Variants in HERC4 observed in about 807,000 individuals in gnomAD.
The protein encoded by HERC4 is HECT and RLD domain containing E3 ubiquitin protein ligase 4, also known as probable E3 ubiquitin-protein ligase HERC4.
In HERC4, 28 loss-of-function variants were observed where a neutral mutation model predicts 124.3. That is an observed-to-expected ratio of 0.23 (90% CI 0.17 to 0.31). The LOEUF is 0.31. Among genes scored for constraint, HERC4 ranks in the 10% least tolerant of loss-of-function variants. The probability of loss-of-function intolerance (pLI) is 1.00; values close to 1 mark genes in which losing one functional copy is unlikely to be tolerated. For synonymous variants in HERC4, 407 were observed against 421.5 expected, an observed-to-expected ratio of 0.97 and a Z score of 0.42; for missense variants, 713 against 1,229.3, an observed-to-expected ratio of 0.58 and a Z score of 6.28.
chr10:67,947,717 A>T (rs912822245), intron 19 of HERC4, among the ~76,000 whole-genome samples: 2 of 152,202 alleles, frequency 1.3e-5, no homozygotes, highest in Non-Finnish European at 2.9e-5. Context: ...AAAACTTTCA[A>T]TAAATTTTAA....
At chr10:68,067,194 T>C (rs567133398) in intron 3 of HERC4, 3 of 152,660 alleles carry the variant, frequency 2.0e-5, no homozygotes, top group Non-Finnish European at 4.4e-5. Flanking sequence ...TGTAATGCTC[T>C]TGAAATTCCT....
intron 9 of HERC4, among the ~76,000 whole-genome samples, chr10:68,006,197 A>G (rs2037537019): frequency 6.6e-6 from 1 of 152,138 alleles, no homozygotes; most frequent in African/African-American, 2.4e-5. Flanking sequence ...ACTCAAGATG[A>G]GTAGTGCGCA....
At position 67,990,896 on chromosome 10, in the gene HERC4, A is replaced by G; in HGVS notation, c.1443+8T>C. The G allele has an allele frequency of 6.4e-7, 1 of 1,554,168 alleles. No individual in the cohort carries two copies. The highest frequency in any genetic ancestry group is 8.8e-7 in the Non-Finnish European group (1 of 1,136,074). On this transcript the variant is annotated splice_region_variant and intron_variant, in intron 13 of 24. Transcript: ENST00000373700. The stretch of plus-strand genomic sequence containing the variant: ...TAATACTGTAAACATAATACTTTAA[A>G]AACAGACCTGCTGAGATATCTGCGG...
At chr10:67,941,215 T>C (rs1295603318) in intron 19 of HERC4, 110 bp from the exon 20 acceptor site, 6 of 716,068 alleles carry the variant, frequency 8.4e-6, no homozygotes, top group Non-Finnish European at 1.1e-5. Flanking sequence ...AAAAAAGTAA[T>C]AAATAACAAA....
At chr10:68,028,939 G>A (rs1225166120) in intron 7 of HERC4, among the ~76,000 whole-genome samples, 1 of 152,126 alleles carries the variant, frequency 6.6e-6, no homozygotes, top group African/African-American at 2.4e-5. Context: ...GGGGGGCTGA[G>A]GTGGGAGGCT....
chr10:67,975,305 T>C (rs2035519859), intron 15 of HERC4, among the ~76,000 whole-genome samples: 1 of 152,234 alleles, frequency 6.6e-6, no homozygotes, highest in Non-Finnish European at 1.5e-5. Flanking sequence ...TGTATACTAT[T>C]ATTATGATCA....
intron 14 of HERC4, 111 bp downstream of exon 14, chr10:67,990,100 A>T: frequency 2.5e-6 from 2 of 786,454 alleles, no homozygotes; most frequent in Non-Finnish European, 3.9e-6. Context: ...ATTTTTGCCT[A>T]AGACAGTGTC....
At chr10:67,942,994 G>A (rs77400152) in intron 19 of HERC4, among the ~76,000 whole-genome samples, 446 of 152,304 alleles carry the variant, frequency 2.9e-3, no homozygotes, top group African/African-American at 9.9e-3. Context: ...ATGTGCTCAT[G>A]AAATATCTCT....
At chr10:68,049,419 T>C (rs2040174747) in intron 3 of HERC4, among the ~76,000 whole-genome samples, 1 of 151,484 alleles carries the variant, frequency 6.6e-6, no homozygotes, top group African/African-American at 2.4e-5. Flanking sequence ...ATCCCAGGAC[T>C]TTGGGAGGCT....
intron 19 of HERC4, among the ~76,000 whole-genome samples, chr10:67,943,105 G>A (rs2033052840): frequency 6.6e-6 from 1 of 152,076 alleles, no homozygotes; most frequent in South Asian, 2.1e-4. Flanking sequence ...TGTCATATTT[G>A]TTACATACAA....
intron 8 of HERC4, among the ~76,000 whole-genome samples, chr10:68,016,170 G>T (rs2038252614): frequency 6.6e-6 from 1 of 152,102 alleles, no homozygotes; most frequent in Admixed American, 6.6e-5. Context: ...TGCATGAACA[G>T]AACTACCTTA....
chr10:68,000,496 T>C (rs1227701853), intron 9 of HERC4, among the ~76,000 whole-genome samples: 1 of 151,942 alleles, frequency 6.6e-6, no homozygotes, highest in Non-Finnish European at 1.5e-5. Context: ...GGAGGATCGC[T>C]TGAGTCTGGG....
chr10:67,991,582 A>G (rs1440365260), intron 11 of HERC4, among the ~76,000 whole-genome samples: 1 of 152,216 alleles, frequency 6.6e-6, no homozygotes, highest in Non-Finnish European at 1.5e-5. Flanking sequence ...CAGAAAAATT[A>G]TAGTTTTGGA....
intron 3 of HERC4, among the ~76,000 whole-genome samples, chr10:68,060,226 T>C (rs2040933433): frequency 6.6e-6 from 1 of 152,000 alleles, no homozygotes; most frequent in Non-Finnish European, 1.5e-5. Context: ...ATGTTCTTTT[T>C]GTTTGCTTGT....
chr10:68,008,461 T>A (rs946650268), intron 9 of HERC4, among the ~76,000 whole-genome samples: 3 of 152,088 alleles, frequency 2.0e-5, no homozygotes, highest in Admixed American at 1.3e-4. Context: ...CTCAAATCAG[T>A]CTCCCCAGAA....
intron 15 of HERC4, among the ~76,000 whole-genome samples, chr10:67,987,259 A>G (rs2036314164): frequency 6.6e-6 from 1 of 152,170 alleles, no homozygotes; most frequent in African/African-American, 2.4e-5. Flanking sequence ...TGAAAGAAAA[A>G]ATGTTCAATT....
At chr10:68,014,456 C>T (rs1324985319) in intron 8 of HERC4, among the ~76,000 whole-genome samples, 2 of 151,984 alleles carry the variant, frequency 1.3e-5, no homozygotes, top group South Asian at 2.1e-4. Context: ...ACTGAAATCC[C>T]TTACAATAAA....
intron 19 of HERC4, among the ~76,000 whole-genome samples, chr10:67,947,693 A>G (rs1437950591): frequency 6.6e-6 from 1 of 152,188 alleles, no homozygotes; most frequent in Non-Finnish European, 1.5e-5. Flanking sequence ...AGGATAGACC[A>G]TATGTTAGGT....
rs1233211455 is a variant in HERC4 at position 67,954,947 on chromosome 10, G to A, written c.2193+16C>T. 3.8e-6 allele frequency: 6 copies of A among 1,581,240 alleles called. No individual in the cohort carries two copies. The highest frequency in any genetic ancestry group is 5.1e-6 in the Non-Finnish European group (6 of 1,169,324). ...GAATAAAAGTCCCAATTATACCACA[G>A]AAAATGTCAAATTACCTTGAGTGGC... On this transcript the variant is annotated intron_variant, in intron 18 of 24. Transcript: ENST00000373700.
Sources: gnomAD v4.1 joint callset for allele counts (sites outside exome capture counted in the v4.1 genomes callset) on GRCh38, gnomAD v4.1.1 for gene constraint, MANE v1.5 for transcripts, NCBI Gene and HGNC (gene_info 2026-07-23, HGNC 2026-07-21) for gene names.